PPP2R2B: variants seen among roughly 807,000 people sequenced by gnomAD.
PPP2R2B encodes serine/threonine-protein phosphatase 2A 55 kDa regulatory subunit B beta isoform.
Under a neutral mutation model 46.0 loss-of-function variants are expected in PPP2R2B, and 5 were observed. The observed-to-expected ratio is 0.11, with a 90% CI of 0.06 to 0.23. The LOEUF (loss-of-function observed/expected upper bound fraction) is 0.23, where lower values mean the gene tolerates loss of function less well. Ranked by LOEUF, PPP2R2B falls within the 10% of genes least tolerant of loss-of-function variation. The pLI is 1.00. For missense variants in PPP2R2B, 367 were observed against 575.0 expected (o/e 0.64, Z 3.70); for synonymous variants, 215 against 206.7 (o/e 1.04, Z -0.34).
intron 1 of PPP2R2B, among the ~76,000 whole-genome samples, chr5:147,050,916 AG>A (rs1756782015): frequency 6.6e-6 from 1 of 151,946 alleles, no homozygotes. Context: ...CTCTTGAAGG[AG>A]CATTGTTGAT....
At chr5:146,732,778 C>G (rs1025640469) in intron 2 of PPP2R2B, among the ~76,000 whole-genome samples, 3 of 152,142 alleles carry the variant, frequency 2.0e-5, no homozygotes, top group Non-Finnish European at 1.5e-5. Flanking sequence ...GCTACAAACT[C>G]TAAATGATTT....
At chr5:146,725,186 A>T (rs903854672) in intron 2 of PPP2R2B, among the ~76,000 whole-genome samples, 1 of 152,120 alleles carries the variant, frequency 6.6e-6, no homozygotes, top group Non-Finnish European at 1.5e-5. Flanking sequence ...TCAAGAAAAC[A>T]GTTTCCATGG....
intron 1 of PPP2R2B, chr5:147,081,218 T>C (rs1182586285): frequency 5.9e-6 from 9 of 1,535,566 alleles, no homozygotes; most frequent in Non-Finnish European, 7.8e-6. Flanking sequence ...AAGAAATATA[T>C]AGCAGAATCT....
chr5:146,820,952 G>A (rs969400156), intron 2 of PPP2R2B, among the ~76,000 whole-genome samples: 4 of 151,878 alleles, frequency 2.6e-5, no homozygotes, highest in South Asian at 4.2e-4. Flanking sequence ...TCTGCACTGC[G>A]CTAGTCCTGG....
chr5:146,866,997 A>G (rs994357997), intron 2 of PPP2R2B, among the ~76,000 whole-genome samples: 6 of 152,216 alleles, frequency 3.9e-5, no homozygotes, highest in African/African-American at 1.4e-4. Flanking sequence ...GTTTACTGAG[A>G]GTCATTTGTG....
chr5:146,608,222 C>G (rs1424794237), intron 7 of PPP2R2B, among the ~76,000 whole-genome samples: 1 of 151,988 alleles, frequency 6.6e-6, no homozygotes, highest in Non-Finnish European at 1.5e-5. Flanking sequence ...ACAGTGGGCC[C>G]CTAGGACTGG....
chr5:146,988,678 T>C (rs1010601967), intron 1 of PPP2R2B, among the ~76,000 whole-genome samples: 17 of 151,080 alleles, frequency 1.1e-4, no homozygotes, highest in Non-Finnish European at 1.8e-4. Context: ...AGATCTGAAA[T>C]AAACAACCTA....
At chr5:146,624,184 TA>T (rs2151061392) in intron 7 of PPP2R2B, among the ~76,000 whole-genome samples, 1 of 152,272 alleles carries the variant, frequency 6.6e-6, no homozygotes, top group East Asian at 1.9e-4. Context: ...TCAATGAAGA[TA>T]AATCAATGAG....
At chr5:146,945,182 A>G (rs1217973931) in intron 1 of PPP2R2B, among the ~76,000 whole-genome samples, 3 of 152,192 alleles carry the variant, frequency 2.0e-5, no homozygotes, top group Non-Finnish European at 4.4e-5. Context: ...TAGTTAATTC[A>G]GGAAGAAAAA....
chr5:146,744,289 G>A (rs1582003521), intron 2 of PPP2R2B, among the ~76,000 whole-genome samples: 2 of 152,178 alleles, frequency 1.3e-5, no homozygotes, highest in Non-Finnish European at 2.9e-5. Context: ...CCAGATTTCA[G>A]GATGGAGTGG....
intron 2 of PPP2R2B, among the ~76,000 whole-genome samples, chr5:146,703,709 T>A (rs930120669): frequency 6.6e-6 from 1 of 152,208 alleles, no homozygotes; most frequent in Non-Finnish European, 1.5e-5. Context: ...CCCATGCAAG[T>A]CAAAACAAGG....
At chr5:146,677,247 TAGTC>T (rs1370717466) in intron 5 of PPP2R2B, among the ~76,000 whole-genome samples, 1 of 152,222 alleles carries the variant, frequency 6.6e-6, no homozygotes, top group East Asian at 1.9e-4. Context: ...TCGCATTAAA[TAGTC>T]AGTGTCCTTA....
chr5:146,669,588 C>G (rs1294297545), intron 5 of PPP2R2B, among the ~76,000 whole-genome samples: 2 of 151,822 alleles, frequency 1.3e-5, no homozygotes, highest in Non-Finnish European at 2.9e-5. Flanking sequence ...TTTACCAAAC[C>G]TGGTGCTTGC....
At chr5:147,071,011 C>T (rs1252160151) in intron 2 of PPP2R2B, among the ~76,000 whole-genome samples, 1 of 151,826 alleles carries the variant, frequency 6.6e-6, no homozygotes, top group East Asian at 1.9e-4. Context: ...ATGAAGTGGG[C>T]ATCTGACTTA....
At chr5:146,912,589 C>G (rs951412844) in intron 1 of PPP2R2B, among the ~76,000 whole-genome samples, 2 of 151,536 alleles carry the variant, frequency 1.3e-5, no homozygotes, top group African/African-American at 4.8e-5. Context: ...TCTCGGCTCA[C>G]CACAACCTGG....
At chr5:146,825,681 T>C (rs1758534620) in intron 2 of PPP2R2B, among the ~76,000 whole-genome samples, 1 of 152,204 alleles carries the variant, frequency 6.6e-6, no homozygotes, top group Admixed American at 6.5e-5. Flanking sequence ...TTTTTCTGCC[T>C]CAGTTTCTTT....
intron 1 of PPP2R2B, among the ~76,000 whole-genome samples, chr5:146,965,867 G>A (rs1752377478): frequency 6.6e-6 from 1 of 152,150 alleles, no homozygotes; most frequent in Non-Finnish European, 1.5e-5. Flanking sequence ...TACCAGCTGT[G>A]CATCCAGGCA....
chr5:146,707,723 C>T (rs1432511223), intron 2 of PPP2R2B: 3 of 448,976 alleles, frequency 6.7e-6, no homozygotes, highest in Non-Finnish European at 1.2e-5. Context: ...CTTACAGAAA[C>T]TTCTGTTAAT....
At chr5:147,022,436 C>T (rs570727302) in intron 1 of PPP2R2B, among the ~76,000 whole-genome samples, 1 of 151,610 alleles carries the variant, frequency 6.6e-6, no homozygotes, top group African/African-American at 2.4e-5. Flanking sequence ...TAGCATGCAC[C>T]TTAGTCCCAG....
Sources: gnomAD v4.1 joint callset for allele counts (sites outside exome capture counted in the v4.1 genomes callset) on GRCh38, gnomAD v4.1.1 for gene constraint, MANE v1.5 for transcripts, NCBI Gene and HGNC (gene_info 2026-07-23, HGNC 2026-07-21) for gene names.